Variants in RBFOX1 observed in about 807,000 individuals in gnomAD.
RBFOX1 encodes the protein RNA binding fox-1 homolog 1, also known as RNA binding protein fox-1 homolog 1.
In RBFOX1, 8 loss-of-function variants were observed where a neutral mutation model predicts 57.7. The ratio of observed to expected loss-of-function variants is 0.14; its 90% CI spans 0.08 to 0.25. The LOEUF (loss-of-function observed/expected upper bound fraction) is 0.25. Among genes scored for constraint, RBFOX1 ranks in the 10% least tolerant of loss-of-function variants. RBFOX1 has a pLI of 1.00. For missense variants in RBFOX1, 611 were observed against 548.5 expected (o/e 1.11, Z -1.14); for synonymous variants, 326 against 222.4 (o/e 1.47, Z -4.15).
In RBFOX1 at chr16:6,019,788, T is replaced by A. The variant is rs2095031194; in HGVS notation, c.-331T>A. 1.4e-6 allele frequency: 2 copies of A among 1,459,508 alleles called. No individual in the cohort carries two copies. Among genetic ancestry groups the A allele is most frequent in the African/African-American group, 1.4e-5 (1 of 70,112 alleles). The allele number at this position is 1,459,508 out of a possible 1,614,324, so 90.4% of individuals were successfully genotyped here. On this transcript the variant is annotated 5_prime_UTR_variant, in exon 1 of 16. Transcript: ENST00000550418. The surrounding 1 kb of genome is among the most constrained non-coding windows in gnomAD (Gnocchi z 4.2). ...CCCAGTGGCCGCCAGGGTCCCCGCCTGTCCGGACCCTCGCCGCGCCCAGGC... is the reference window on the plus strand; with the variant it reads ...CCCAGTGGCCGCCAGGGTCCCCGCCAGTCCGGACCCTCGCCGCGCCCAGGC...
intron 3 of RBFOX1, among the ~76,000 whole-genome samples, chr16:6,970,723 T>G (rs1220244622): frequency 1.3e-5 from 2 of 152,240 alleles, no homozygotes; most frequent in African/African-American, 4.8e-5. Context: ...ATATTAGATT[T>G]CACCATATGA....
chr16:5,253,040 G>C (rs936857020), intron 1 of RBFOX1, among the ~76,000 whole-genome samples: 4 of 152,166 alleles, frequency 2.6e-5, no homozygotes, highest in Admixed American at 1.3e-4. Flanking sequence ...TGAGGTGCTC[G>C]CAAAGAGCCG....
At chr16:6,089,956 G>C (rs2096147301) in intron 1 of RBFOX1, 1 of 152,166 alleles carries the variant, frequency 6.6e-6, no homozygotes, top group African/African-American at 2.4e-5. Context: ...GTATCTTACA[G>C]TTCTGGAGGT....
chr16:6,811,179 G>T (rs2088464142), intron 3 of RBFOX1, among the ~76,000 whole-genome samples: 3 of 152,060 alleles, frequency 2.0e-5, no homozygotes, highest in African/African-American at 7.2e-5. Context: ...TGATATGAGA[G>T]TTTGGAAAAT....
chr16:5,284,282 A>C (rs928801089), intron 1 of RBFOX1, among the ~76,000 whole-genome samples: 1 of 152,152 alleles, frequency 6.6e-6, no homozygotes, highest in Non-Finnish European at 1.5e-5. Context: ...GTGTGAAAAC[A>C]GACTAATACA....
chr16:5,543,212 C>T (rs991218268), intron 2 of RBFOX1, among the ~76,000 whole-genome samples: 2 of 152,034 alleles, frequency 1.3e-5, no homozygotes, highest in African/African-American at 4.8e-5. Context: ...TGCAAAGAAG[C>T]ATGAAAATAC....
At chr16:5,285,159 CTTTT>C (rs1352983487) in intron 1 of RBFOX1, among the ~76,000 whole-genome samples, 2 of 152,042 alleles carry the variant, frequency 1.3e-5, no homozygotes, top group Admixed American at 6.5e-5. Context: ...TTTTTTCTTT[CTTTT>C]TGTCTGACTG....
chr16:7,390,823 G>T (rs754951030), intron 4 of RBFOX1, among the ~76,000 whole-genome samples: 2 of 152,170 alleles, frequency 1.3e-5, no homozygotes, highest in African/African-American at 2.4e-5. Context: ...AGGGAGGACA[G>T]ATTCCAACAA....
chr16:6,484,314 T>A (rs1263933509), intron 2 of RBFOX1, among the ~76,000 whole-genome samples: 1 of 152,190 alleles, frequency 6.6e-6, no homozygotes, highest in Non-Finnish European at 1.5e-5. Flanking sequence ...TGTGAGCATA[T>A]GCGCTGCATA....
intron 4 of RBFOX1, among the ~76,000 whole-genome samples, chr16:7,341,850 G>T: frequency 6.8e-6 from 1 of 147,252 alleles, no homozygotes; most frequent in Non-Finnish European, 1.5e-5. Context: ...GAAGATGACA[G>T]CAGGAGCTCC....
At chr16:6,722,690 G>A (rs1048024176) in intron 3 of RBFOX1, among the ~76,000 whole-genome samples, 4 of 152,154 alleles carry the variant, frequency 2.6e-5, no homozygotes, top group Admixed American at 1.3e-4. Context: ...CTCTCTTGCA[G>A]TTGCACAACC....
chr16:5,641,949 C>T (rs1365718531), intron 3 of RBFOX1, among the ~76,000 whole-genome samples: 1 of 152,128 alleles, frequency 6.6e-6, no homozygotes, highest in East Asian at 1.9e-4. Context: ...AATGCAGATT[C>T]AGTTTCTACA....
At chr16:5,601,826 T>A (rs1367653660), downstream of RBFOX1, among the ~76,000 whole-genome samples, 1 of 152,210 alleles carries the variant, frequency 6.6e-6, no homozygotes, top group African/African-American at 2.4e-5. Context: ...ATCAAAGGTG[T>A]CTGAGATGGC....
At chr16:6,799,259 C>A in intron 3 of RBFOX1, among the ~76,000 whole-genome samples, 1 of 152,096 alleles carries the variant, frequency 6.6e-6, no homozygotes, top group Non-Finnish European at 1.5e-5. Context: ...AGCAGGGCCA[C>A]CCCACAGGCC....
intron 1 of RBFOX1, among the ~76,000 whole-genome samples, chr16:5,372,677 C>G (rs143545499): frequency 3.5e-4 from 53 of 152,256 alleles, no homozygotes; most frequent in African/African-American, 1.2e-3. Flanking sequence ...ATCGGCTTTG[C>G]AAGGAGCTGT....
Position 5,811,385 on chromosome 16 carries a change from C to T in RBFOX1, c.319-55918C>T, listed in dbSNP as rs574136530. On this transcript the variant is annotated intron_variant, in intron 3 of 19. Transcript: ENST00000641259. Reference sequence around the variant, plus strand: ...GTTGAACTCCTGACCTCAGGTGATCCGCCTGCCTCGGCCTCTCAAAGTGCT... The same window carrying T: ...GTTGAACTCCTGACCTCAGGTGATCTGCCTGCCTCGGCCTCTCAAAGTGCT... Among the ~76,000 whole-genome samples the T allele has an allele frequency of 1.7e-3, 265 of 151,892 alleles. 1 individual carries two copies. Among genetic ancestry groups the T allele is most frequent in the South Asian group, 5.4e-3 (26 of 4,810 alleles).
intron 3 of RBFOX1, among the ~76,000 whole-genome samples, chr16:6,760,429 C>T (rs184884078): frequency 2.0e-5 from 3 of 152,080 alleles, no homozygotes; most frequent in Non-Finnish European, 2.9e-5. Context: ...AGAAGTGATA[C>T]TTTAATGTTT....
chr16:5,361,800 A>G (rs2065559667), intron 1 of RBFOX1, among the ~76,000 whole-genome samples: 1 of 152,232 alleles, frequency 6.6e-6, no homozygotes, highest in Non-Finnish European at 1.5e-5. Flanking sequence ...TGGTTTTCAC[A>G]CACAGCAAGA....
intron 1 of RBFOX1, among the ~76,000 whole-genome samples, chr16:5,462,104 G>A (rs893419487): frequency 1.5e-4 from 22 of 151,560 alleles, no homozygotes; most frequent in African/African-American, 4.6e-4. Context: ...AAGGTGGAAC[G>A]CTGTGCTTGC....
Sources: gnomAD v4.1 joint callset for allele counts (sites outside exome capture counted in the v4.1 genomes callset) on GRCh38, gnomAD v4.1.1 for gene constraint, Gnocchi (gnomAD v3.1) non-coding constraint, MANE v1.5 for transcripts, NCBI Gene and HGNC (gene_info 2026-07-23, HGNC 2026-07-21) for gene names.